PCSK6: variants seen among roughly 807,000 people sequenced by gnomAD.
PCSK6 encodes paired basic amino acid cleaving enzyme 4.
In PCSK6, 85 loss-of-function variants were observed where a neutral mutation model predicts 123.3. The ratio of observed to expected loss-of-function variants is 0.69; its 90% CI spans 0.58 to 0.83. PCSK6 has a LOEUF of 0.83. PCSK6 is among the 40% of genes least tolerant of loss of function. The pLI, the probability that PCSK6 is intolerant of heterozygous loss-of-function variation, is 0.00. For missense variants in PCSK6, 1,191 were observed against 1,282.3 expected, an observed-to-expected ratio of 0.93 and a Z score of 1.09; for synonymous variants, 508 against 516.0, an observed-to-expected ratio of 0.98 and a Z score of 0.21.
chr15:101,412,450 T>C (rs1264868700), intron 6 of PCSK6, among the ~76,000 whole-genome samples: 1 of 151,874 alleles, frequency 6.6e-6, no homozygotes, highest in Non-Finnish European at 1.5e-5. Context: ...ACTAGTTGTA[T>C]ATTAATAAAG....
chr15:101,326,756 G>A (rs1185762695), intron 15 of PCSK6, among the ~76,000 whole-genome samples: 1 of 152,250 alleles, frequency 6.6e-6, no homozygotes, highest in East Asian at 1.9e-4. Flanking sequence ...GCCACCCGGA[G>A]CAGGGAGGAG....
At chr15:101,463,928 C>T (rs543335357) in intron 1 of PCSK6, among the ~76,000 whole-genome samples, 60 of 152,218 alleles carry the variant, frequency 3.9e-4, no homozygotes, top group African/African-American at 1.4e-3. Context: ...AACCAGAAGG[C>T]CCCCATGGTA....
intron 6 of PCSK6, among the ~76,000 whole-genome samples, chr15:101,413,821 C>A (rs1473952419): frequency 1.3e-5 from 2 of 150,626 alleles, no homozygotes; most frequent in African/African-American, 4.9e-5. Flanking sequence ...TGTGAAATGT[C>A]ATTTATCAAT....
At position 101,409,502 on chromosome 15, in the gene PCSK6, G is replaced by A. The variant is rs554453210; in HGVS notation, c.824-10926C>T. 1.6e-4 allele frequency among the ~76,000 whole-genome samples: 24 copies of A among 150,720 alleles called. No homozygotes were observed. In the South Asian group the frequency reaches 4.6e-3, roughly 29 times the overall value. ...CGGGAGGCTGAGGCAGGAGAATGGC[G>A]TGAACCCGGGAGGCGGAGCTTGCAG... On this transcript the variant is annotated intron_variant, in intron 6 of 21. Transcript: ENST00000611716.
At chr15:101,382,321 G>A (rs1464245268) in intron 10 of PCSK6, 112 bp from the exon 11 acceptor site, 5 of 821,182 alleles carry the variant, frequency 6.1e-6, no homozygotes, top group South Asian at 3.5e-5. Flanking sequence ...CGTAAGACTC[G>A]AGGTCTCCTG....
At chr15:101,405,797 G>A (rs1248367269) in intron 6 of PCSK6, among the ~76,000 whole-genome samples, 2 of 151,708 alleles carry the variant, frequency 1.3e-5, no homozygotes, top group Non-Finnish European at 2.9e-5. Flanking sequence ...AGGCTGGAGT[G>A]CAGTGGCGTG....
At chr15:101,367,401 T>A (rs1446140590) in intron 12 of PCSK6, among the ~76,000 whole-genome samples, 1 of 152,224 alleles carries the variant, frequency 6.6e-6, no homozygotes, top group East Asian at 1.9e-4. Flanking sequence ...AAGTTTTGAA[T>A]GATGTAAGAT....
At chr15:101,378,599 G>C (rs891776129) in intron 11 of PCSK6, among the ~76,000 whole-genome samples, 10 of 152,210 alleles carry the variant, frequency 6.6e-5, no homozygotes, top group Admixed American at 6.5e-5. Context: ...AGGCAGTAAA[G>C]AGACTGCCCA....
chr15:101,407,097 A>G (rs1397282917), intron 6 of PCSK6, among the ~76,000 whole-genome samples: 1 of 151,832 alleles, frequency 6.6e-6, no homozygotes, highest in African/African-American at 2.4e-5. Flanking sequence ...GGAGGCTGGC[A>G]GTGTGGTGTG....
At chr15:101,442,442 C>T (rs1488508535) in intron 2 of PCSK6, among the ~76,000 whole-genome samples, 1 of 152,114 alleles carries the variant, frequency 6.6e-6, no homozygotes, top group Non-Finnish European at 1.5e-5. Context: ...TCCTCATATG[C>T]TTCAAATCAA....
chr15:101,392,847 A>T (rs2042273754), intron 8 of PCSK6, among the ~76,000 whole-genome samples: 1 of 152,200 alleles, frequency 6.6e-6, no homozygotes, highest in Non-Finnish European at 1.5e-5. Flanking sequence ...ACTCTGTTGT[A>T]CACGCTGGAA....
At chr15:101,351,478 T>C (rs1424481275) in intron 13 of PCSK6, among the ~76,000 whole-genome samples, 1 of 152,256 alleles carries the variant, frequency 6.6e-6, no homozygotes, top group Non-Finnish European at 1.5e-5. Flanking sequence ...ATATTTACGC[T>C]GGAAAGACAA....
At chr15:101,313,272 A>G in intron 20 of PCSK6, 104 bp downstream of exon 20, 1 of 1,590,296 alleles carries the variant, frequency 6.3e-7, no homozygotes, top group Non-Finnish European at 8.6e-7. Context: ...GGGTGATGCA[A>G]CATGCCCTCC....
intron 6 of PCSK6, among the ~76,000 whole-genome samples, chr15:101,421,572 T>C (rs542761430): frequency 2.0e-5 from 3 of 152,260 alleles, no homozygotes; most frequent in Non-Finnish European, 1.5e-5. Context: ...CCAGCTACCA[T>C]GTTATGGGGA....
chr15:101,310,700 C>G (rs1245192568), intron 20 of PCSK6, among the ~76,000 whole-genome samples: 1 of 152,176 alleles, frequency 6.6e-6, no homozygotes, highest in African/African-American at 2.4e-5. Flanking sequence ...GTGGGTCAGA[C>G]AAGTGCAAGG....
intron 13 of PCSK6, among the ~76,000 whole-genome samples, chr15:101,344,514 C>T (rs2040687434): frequency 1.3e-5 from 2 of 152,308 alleles, no homozygotes; most frequent in East Asian, 3.9e-4. Flanking sequence ...AATATCTCCT[C>T]CCTCCCTCCT....
intron 12 of PCSK6, among the ~76,000 whole-genome samples, chr15:101,366,780 G>A (rs1444669613): frequency 1.3e-5 from 2 of 152,196 alleles, no homozygotes; most frequent in African/African-American, 4.8e-5. Flanking sequence ...TACCTTCACC[G>A]AAGCCCAGAG....
rs370059152 is a variant in PCSK6, at chr15:101,331,841, A to G, written c.2038+11T>C. 146 of 1,611,524 alleles carry G rather than the reference A, an allele frequency of 9.1e-5. No homozygotes were observed. The highest frequency in any genetic ancestry group is 1.2e-4 in the Non-Finnish European group (138 of 1,178,274). ...GAAGCTGGCCGTCTCCTCTTACTTC[A>G]GGCTCATTACCTGTGTAATCTTCCT... On this transcript the variant is annotated intron_variant, in intron 14 of 21. Coordinates refer to ENST00000611716, the MANE Select transcript of PCSK6 (RefSeq NM_002570.5).
intron 1 of PCSK6, among the ~76,000 whole-genome samples, chr15:101,475,652 AT>A (rs35792381): frequency 0.023 from 2,819 of 122,632 alleles, 62 homozygotes; most frequent in African/African-American, 0.082. Flanking sequence ...CACTTGGCTA[AT>A]TTTTTTTTTT....
Sources: allele counts gnomAD v4.1 joint callset (sites outside exome capture counted in the v4.1 genomes callset), GRCh38; gene constraint gnomAD v4.1.1; transcripts MANE v1.5; gene names NCBI Gene and HGNC (gene_info 2026-07-23, HGNC 2026-07-21).